Variants in FBN2 observed in about 807,000 individuals in gnomAD.
FBN2 encodes fibrillin-2.
A neutral mutation model predicts 355.6 loss-of-function variants in FBN2; 105 were observed. The ratio of observed to expected loss-of-function variants is 0.30; its 90% CI spans 0.25 to 0.35. The LOEUF is 0.35. Ranked by LOEUF, FBN2 falls within the 10% of genes least tolerant of loss-of-function variation. The pLI, the probability that FBN2 is intolerant of heterozygous loss-of-function variation, is 1.00. For missense variants in FBN2, 3,280 were observed against 3,758.7 expected, an observed-to-expected ratio of 0.87 and a Z score of 3.33; for synonymous variants, 1,350 against 1,301.2, an observed-to-expected ratio of 1.04 and a Z score of -0.81.
rs536831527 is a variant in FBN2 at position 128,318,329 on chromosome 5, C to G, written c.4595-58G>C. On this transcript the variant is annotated intron_variant, in intron 35 of 64. Coordinates refer to ENST00000262464, the MANE Select transcript of FBN2 (RefSeq NM_001999.4). ...ATTTTTACTTTTTCTGTGCATACTG[C>G]TGTTCCAAAGAATTTGGTGGAATTT... The G allele has an allele frequency of 1.9e-4, 302 of 1,590,272 alleles. 1 individual carries two copies. The Middle Eastern group carries it at 5.5e-3, about 29-fold the overall frequency.
At chr5:128,350,286 G>A (rs1386427125) in intron 21 of FBN2, among the ~76,000 whole-genome samples, 1 of 152,164 alleles carries the variant, frequency 6.6e-6, no homozygotes, top group Admixed American at 6.5e-5. Context: ...CAGGTCAGGC[G>A]CGGTGGCTCA....
Position 128,310,156 on chromosome 5 carries a change from T to C in FBN2, c.5075-48A>G, listed in dbSNP as rs776020398. On this transcript the variant is annotated intron_variant, in intron 39 of 64. Transcript: ENST00000262464. Reference sequence around the variant, plus strand: ...TTAATTAATAAATCTATTTTTTCAATGAATTTATATTACTTAGATGACTGA... The same window carrying C: ...TTAATTAATAAATCTATTTTTTCAACGAATTTATATTACTTAGATGACTGA... 6.1e-6 allele frequency: 9 copies of C among 1,466,458 alleles called. No homozygotes were observed. The Admixed American group carries it at 1.0e-4, about 17-fold the overall frequency. The allele number at this position is 1,466,458 out of a possible 1,614,324, so 90.8% of individuals were successfully genotyped here.
rs2126892175 is a variant in FBN2 at position 128,333,012 on chromosome 5, A to C, written c.4122T>G (p.Gly1374=). The change falls in exon 32 of 65, where the codon GGT becomes GGG. Residue 1374 remains glycine, a synonymous_variant. Coordinates refer to ENST00000262464, the MANE Select transcript of FBN2 (RefSeq NM_001999.4). The part of the protein sequence containing the change: ...GCTDVDECEI[G]AHNCDMHASC... The stretch of plus-strand genomic sequence containing the variant: ...AGGCATGCATGTCGCAGTTATGAGC[A>C]CCAATTTCACACTCATCCACATCTG... The C allele has an allele frequency of 8.1e-6, 13 of 1,612,874 alleles. No homozygotes were observed. Among genetic ancestry groups the C allele is most frequent in the Non-Finnish European group, 1.0e-5 (12 of 1,178,858 alleles).
Position 128,408,827 on chromosome 5 carries a change from T to C in FBN2, c.953-28A>G, listed in dbSNP as rs775842678. 5.0e-6 allele frequency: 8 copies of C among 1,613,392 alleles called. No individual in the cohort carries two copies. In the Admixed American group the frequency reaches 5.0e-5, roughly 10 times the overall value. ...AATCAAGGGAAGAAGGAGAAGATGA[T>C]TGAGAAAGGCCTTCATTAAATAGCT... On this transcript the variant is annotated intron_variant, in intron 7 of 64. Coordinates refer to ENST00000262464, the MANE Select transcript of FBN2 (RefSeq NM_001999.4).
chr5:128,269,563 A>G (rs1765213072), intron 62 of FBN2, among the ~76,000 whole-genome samples: 1 of 152,176 alleles, frequency 6.6e-6, no homozygotes, highest in Non-Finnish European at 1.5e-5. Flanking sequence ...TGCAAGAATC[A>G]CAAGCATTCC....
intron 5 of FBN2, among the ~76,000 whole-genome samples, chr5:128,478,499 A>G (rs1755064510): frequency 6.6e-6 from 1 of 152,218 alleles, no homozygotes; most frequent in Admixed American, 6.5e-5. Context: ...TAAAATCCAG[A>G]AAGTTTCAGC....
At chr5:128,349,187 A>C (rs539456763) in intron 23 of FBN2, among the ~76,000 whole-genome samples, 160 bp downstream of exon 23, 17 of 152,330 alleles carry the variant, frequency 1.1e-4, no homozygotes, top group African/African-American at 4.1e-4. Context: ...GCATAAATAC[A>C]TTCACTTTTA....
chr5:128,331,970 A>C (rs775733067), intron 32 of FBN2, among the ~76,000 whole-genome samples: 1 of 152,220 alleles, frequency 6.6e-6, no homozygotes, highest in Non-Finnish European at 1.5e-5. Flanking sequence ...GTAACCCTGG[A>C]AAGATGGCTG....
chr5:128,497,069 T>C (rs1755674565), intron 5 of FBN2, among the ~76,000 whole-genome samples: 1 of 152,034 alleles, frequency 6.6e-6, no homozygotes, highest in Admixed American at 6.6e-5. Context: ...AGATATTCCA[T>C]GAAAGAAAGA....
At chr5:128,428,752 T>C (rs953279227) in intron 7 of FBN2, among the ~76,000 whole-genome samples, 1 of 152,242 alleles carries the variant, frequency 6.6e-6, no homozygotes, top group African/African-American at 2.4e-5. Context: ...GTTTTGTTCA[T>C]TACTCTATTC....
At chr5:128,465,684 C>T (rs771111969) in intron 5 of FBN2, among the ~76,000 whole-genome samples, 5 of 152,184 alleles carry the variant, frequency 3.3e-5, no homozygotes, top group Admixed American at 3.3e-4. Context: ...TATGATCGCT[C>T]CTCTCTAGCA....
At chr5:128,292,453 A>ATGTC (rs1229271148) in intron 48 of FBN2, among the ~76,000 whole-genome samples, 1 of 152,140 alleles carries the variant, frequency 6.6e-6, no homozygotes, top group Non-Finnish European at 1.5e-5. Context: ...AGGACATGAC[A>ATGTC]TGTCTGTCTG....
At chr5:128,338,255 G>T (rs1260555915) in intron 26 of FBN2, 133 bp from the exon 27 acceptor site, 2 of 904,580 alleles carry the variant, frequency 2.2e-6, no homozygotes, top group South Asian at 2.8e-5. Context: ...TAGGAGATGG[G>T]ATAACGCTTT....
chr5:128,326,202 T>A (rs1475690742), intron 34 of FBN2, among the ~76,000 whole-genome samples: 1 of 152,228 alleles, frequency 6.6e-6, no homozygotes, highest in African/African-American at 2.4e-5. Context: ...TCTCTTGATA[T>A]CTTTCCTTCT....
intron 5 of FBN2, among the ~76,000 whole-genome samples, chr5:128,479,955 T>C (rs1240618860): frequency 2.9e-5 from 1 of 34,752 alleles, no homozygotes; most frequent in South Asian, 1.3e-3. Flanking sequence ...TCTCTCTCTC[T>C]CTCTCTCTCT....
chr5:128,402,882 A>T (rs1460600408), intron 8 of FBN2, among the ~76,000 whole-genome samples: 1 of 152,258 alleles, frequency 6.6e-6, no homozygotes, highest in Non-Finnish European at 1.5e-5. Flanking sequence ...AAGAGTAACT[A>T]TAGAACTAGG....
Position 128,393,277 on chromosome 5 carries a change from G to T in FBN2, c.1323C>A (p.Gly441=). The T allele has an allele frequency of 6.2e-7, 1 of 1,614,148 alleles. No individual in the cohort carries two copies. Among genetic ancestry groups the T allele is most frequent in the Non-Finnish European group, 8.5e-7 (1 of 1,180,000 alleles). The change falls in exon 10 of 65, where the codon GGC becomes GGA. Residue 441 remains glycine (G), a synonymous_variant. Transcript: ENST00000262464. ...GSRPGGTGGN[G]FAPSGNGNGY... The stretch of plus-strand genomic sequence containing the variant: ...CATTGCCATTGCCACTTGGGGCAAA[G>T]CCATTTCCCCCAGTGCCTCCAGGTC...
In FBN2 at chr5:128,374,768, G is replaced by A. The variant is rs768701558; in HGVS notation, c.1973-18C>T. ...ATCAACATCTGTGCAGTGGGTGACA[G>A]AAGCCAAGCAGTTACTGGGTAAATT... On this transcript the variant is annotated intron_variant, in intron 14 of 64. Coordinates refer to ENST00000262464, the MANE Select transcript of FBN2 (RefSeq NM_001999.4). The A allele has an allele frequency of 1.2e-6, 2 of 1,613,732 alleles. No individual in the cohort carries two copies. Among genetic ancestry groups the A allele is most frequent in the East Asian group, 4.5e-5 (2 of 44,870 alleles).
At chr5:128,455,990 CAAAAA>C (rs70997371) in intron 6 of FBN2, among the ~76,000 whole-genome samples, 939 of 25,030 alleles carry the variant, frequency 0.038, no homozygotes, top group Non-Finnish European at 0.063. Flanking sequence ...GGGTTAGCAA[CAAAAA>C]AAAAAAAAAA....
Sources: gnomAD v4.1 joint callset for allele counts (sites outside exome capture counted in the v4.1 genomes callset) on GRCh38, gnomAD v4.1.1 for gene constraint, MANE v1.5 for transcripts, NCBI Gene and HGNC (gene_info 2026-07-23, HGNC 2026-07-21) for gene names.